GLRA2: variants seen among roughly 807,000 people sequenced by gnomAD.
GLRA2 encodes the protein glycine receptor subunit alpha-2.
In GLRA2, 11 loss-of-function variants were observed where a neutral mutation model predicts 31.6. The observed-to-expected ratio is 0.35, with a 90% CI of 0.22 to 0.58. The LOEUF is 0.58. GLRA2 is among the 20% of genes least tolerant of loss of function. GLRA2 has a pLI of 0.84. For missense variants in GLRA2, 212 were observed against 351.8 expected, an observed-to-expected ratio of 0.60 and a Z score of 3.18; for synonymous variants, 132 against 134.0, an observed-to-expected ratio of 0.99 and a Z score of 0.10.
intron 2 of GLRA2, among the ~76,000 whole-genome samples, chrX:14,573,560 G>C (rs112670458): frequency 1.8e-5 from 2 of 110,770 alleles, no homozygotes; most frequent in African/African-American, 6.6e-5. Flanking sequence ...GTGAAGCAGA[G>C]AATCATCAGA....
intron 8 of GLRA2, among the ~76,000 whole-genome samples, chrX:14,698,300 G>A (rs959112663): frequency 1.1e-4 from 12 of 111,070 alleles, no homozygotes; most frequent in African/African-American, 3.9e-4. Flanking sequence ...CCTAGTTTGG[G>A]GCCCACCTAG....
chrX:14,628,835 G>A (rs1466758784), intron 7 of GLRA2, among the ~76,000 whole-genome samples: 3 of 111,426 alleles, frequency 2.7e-5, no homozygotes, highest in Non-Finnish European at 5.7e-5. Flanking sequence ...CTAGCAGGAA[G>A]TTTGAGTTTC....
the GLRA2 span, among the ~76,000 whole-genome samples, chrX:14,477,453 T>C: frequency 9.0e-6 from 1 of 111,610 alleles, no homozygotes; most frequent in African/African-American, 3.3e-5. Context: ...ACAGTCTAGG[T>C]TATCCACCAA....
chrX:14,683,702 C>T (rs894133176), intron 7 of GLRA2, among the ~76,000 whole-genome samples: 42 of 111,106 alleles, frequency 3.8e-4, no homozygotes, highest in Admixed American at 1.9e-4. Flanking sequence ...AGTCTTTAAT[C>T]CATCTTGAAT....
the GLRA2 span, among the ~76,000 whole-genome samples, chrX:14,454,117 A>G: frequency 1.8e-5 from 2 of 109,491 alleles, no homozygotes; most frequent in Non-Finnish European, 3.8e-5. Flanking sequence ...GTAGTGATGG[A>G]TACAAAAGCC....
intron 4 of GLRA2, among the ~76,000 whole-genome samples, chrX:14,581,766 GCACACACACACA>G (rs57962541): frequency 2.1e-4 from 19 of 90,882 alleles, no homozygotes; most frequent in African/African-American, 6.9e-4. Context: ...ATTCAAGCAT[GCACACACACACA>G]CACACACACA....
the GLRA2 span, among the ~76,000 whole-genome samples, chrX:14,453,365 G>T: frequency 9.0e-5 from 10 of 111,556 alleles, no homozygotes; most frequent in South Asian, 3.8e-3. Flanking sequence ...GGTAGGTAGA[G>T]GTCAGGGGTA....
chrX:14,518,327 A>C, the GLRA2 span, among the ~76,000 whole-genome samples: 1 of 112,245 alleles, frequency 8.9e-6, no homozygotes, highest in Non-Finnish European at 1.9e-5. Flanking sequence ...AATAAAATGG[A>C]AGCTGTGCAT....
chrX:14,480,845 TTTTG>T, the GLRA2 span, among the ~76,000 whole-genome samples: 1 of 111,308 alleles, frequency 9.0e-6, no homozygotes, highest in Admixed American at 9.6e-5. Flanking sequence ...TATTCGGGCT[TTTTG>T]TTTGGTTGGT....
the GLRA2 span, among the ~76,000 whole-genome samples, chrX:14,471,089 A>G: frequency 8.9e-6 from 1 of 112,006 alleles, no homozygotes; most frequent in Non-Finnish European, 1.9e-5. Context: ...TGGCTTAAGG[A>G]CAAATGATCA....
At chrX:14,571,455 C>T (rs777251853) in intron 2 of GLRA2, among the ~76,000 whole-genome samples, 19 of 112,098 alleles carry the variant, frequency 1.7e-4, no homozygotes, top group African/African-American at 6.1e-4. Context: ...ATTTAGGTAG[C>T]TTATATCACT....
At chrX:14,663,578 T>A (rs1457663715) in intron 7 of GLRA2, among the ~76,000 whole-genome samples, 1 of 111,028 alleles carries the variant, frequency 9.0e-6, no homozygotes, top group Non-Finnish European at 1.9e-5. Flanking sequence ...GGAAAATGGA[T>A]GTAAAAATGC....
intron 7 of GLRA2, among the ~76,000 whole-genome samples, chrX:14,640,489 A>G (rs181233308): frequency 8.9e-6 from 1 of 111,977 alleles, no homozygotes; most frequent in African/African-American, 3.2e-5. Context: ...ATGCCCATGT[A>G]CATTAAAATG....
At chrX:14,449,313 C>T in the GLRA2 span, among the ~76,000 whole-genome samples, 1 of 112,343 alleles carries the variant, frequency 8.9e-6, no homozygotes, top group Non-Finnish European at 1.9e-5. Flanking sequence ...CACTCTCCCA[C>T]TGTGGACCTC....
intron 4 of GLRA2, among the ~76,000 whole-genome samples, chrX:14,592,917 T>C (rs1456099532): frequency 8.9e-6 from 1 of 112,211 alleles, no homozygotes; most frequent in African/African-American, 3.2e-5. Context: ...AATCATGTGG[T>C]AGATTTGAGC....
chrX:14,488,867 A>G, the GLRA2 span, among the ~76,000 whole-genome samples: 1 of 112,245 alleles, frequency 8.9e-6, no homozygotes, highest in African/African-American at 3.2e-5. Context: ...ATGTTTTAAT[A>G]ACAAGCCCAG....
At chrX:14,458,614 G>A in the GLRA2 span, among the ~76,000 whole-genome samples, 3 of 112,439 alleles carry the variant, frequency 2.7e-5, no homozygotes, top group Non-Finnish European at 5.6e-5. Context: ...GCATTTCTCT[G>A]ATGGCCAGTG....
In GLRA2 at chrX:14,686,668, G is replaced by A. The variant is rs897948175; in HGVS notation, c.931-4042G>A. On this transcript the variant is annotated intron_variant, in intron 7 of 8. Transcript: ENST00000218075. ...CTTTTTTTTGTTTTCCATTTGCTTC[G>A]TAGATCTTCCTCCATCCCTTTATTT... 5.4e-5 allele frequency among the ~76,000 whole-genome samples: 6 copies of A among 110,840 alleles called. No homozygotes were observed. In the South Asian group the frequency reaches 1.2e-3, roughly 21 times the overall value.
At chrX:14,499,024 T>A in the GLRA2 span, among the ~76,000 whole-genome samples, 1 of 112,440 alleles carries the variant, frequency 8.9e-6, no homozygotes, top group Non-Finnish European at 1.9e-5. Flanking sequence ...AATAGGTACT[T>A]AGATAAATTC....
Sources: gnomAD v4.1 joint callset for allele counts (sites outside exome capture counted in the v4.1 genomes callset) on GRCh38, gnomAD v4.1.1 for gene constraint, MANE v1.5 for transcripts, NCBI Gene and HGNC (gene_info 2026-07-23, HGNC 2026-07-21) for gene names.